MET: variants seen among roughly 807,000 people sequenced by gnomAD.
MET encodes the protein MET proto-oncogene, receptor tyrosine kinase.
Under a neutral mutation model 133.1 loss-of-function variants are expected in MET, and 48 were observed. That is an observed-to-expected ratio of 0.36 (90% CI 0.29 to 0.46). The LOEUF (loss-of-function observed/expected upper bound fraction) is 0.46. Ranked by LOEUF, MET falls within the 20% of genes least tolerant of loss-of-function variation. The pLI is 1.00. For synonymous variants in MET, 628 were observed against 616.5 expected (o/e 1.02, Z -0.28); for missense variants, 1,442 against 1,695.9 (o/e 0.85, Z 2.63).
At chr7:116,713,031 T>C (rs1792056719) in intron 2 of MET, among the ~76,000 whole-genome samples, 1 of 152,130 alleles carries the variant, frequency 6.6e-6, no homozygotes, top group Non-Finnish European at 1.5e-5. Context: ...CCTTGAAACT[T>C]TCATTTGAAG....
Position 116,700,058 on chromosome 7 carries a change from C to T in MET, c.974C>T (p.Pro325Leu), listed in dbSNP as rs780802614. ...CTTCAGGCTGCGTATGTCAGCAAGCCTGGGGCCCAGCTTGCTAGACAAATA... is the reference window on the plus strand; with the variant it reads ...CTTCAGGCTGCGTATGTCAGCAAGCTTGGGGCCCAGCTTGCTAGACAAATA... ...NILQAAYVSK[P>L]GAQLARQIGA... Residue 325 changes from proline to leucine, a missense_variant, in exon 2 of 21, where the codon CCT becomes CTT. Pro to Leu is a moderately conservative substitution (Grantham distance 98). This residue lies in a region of MET where 762 missense variants were observed against 792.4 expected (regional missense o/e 0.96). Coordinates refer to ENST00000397752, the MANE Select transcript of MET (RefSeq NM_000245.4). 2.5e-6 allele frequency: 4 copies of T among 1,613,548 alleles called. No homozygotes were observed. In the African/African-American group the frequency reaches 5.3e-5, roughly 22 times the overall value.
intron 14 of MET, among the ~76,000 whole-genome samples, chr7:116,773,032 G>T (rs1447085665): frequency 1.3e-5 from 2 of 151,918 alleles, no homozygotes; most frequent in Admixed American, 6.6e-5. Flanking sequence ...ACATTTCATA[G>T]TTCTAATCTG....
rs775965879 is a variant in MET, at chr7:116,755,425, G to A, written c.1772G>A (p.Arg591Gln). 1.1e-5 allele frequency: 17 copies of A among 1,613,884 alleles called. No individual in the cohort carries two copies. In the East Asian group the frequency reaches 2.2e-4, roughly 21 times the overall value. The change falls in exon 6 of 21, where the codon CGG (arginine) becomes CAG (glutamine). Residue 591 changes from arginine to glutamine, a missense_variant. This residue lies in a region of MET where 762 missense variants were observed against 792.4 expected (regional missense o/e 0.96). Transcript: ENST00000397752. ...ATATGTGGCTGGGACTTTGGATTTCGGAGGAATAATAAATTTGATTTAAAG... is the reference window on the plus strand; with the variant it reads ...ATATGTGGCTGGGACTTTGGATTTCAGAGGAATAATAAATTTGATTTAAAG... ...LTICGWDFGF[R>Q]RNNKFDLKKT... is the part of the protein sequence containing the mutation.
In MET at chr7:116,778,921, T is replaced by C. The variant is rs765565377; in HGVS notation, c.3486T>C (p.His1162=). The C allele has an allele frequency of 2.5e-6, 4 of 1,613,984 alleles. No individual in the cohort carries two copies. Among genetic ancestry groups the C allele is most frequent in the Non-Finnish European group, 3.4e-6 (4 of 1,179,950 alleles). Residue 1162 remains histidine, a synonymous_variant, in exon 17 of 21, where the codon CAT becomes CAC. Transcript: ENST00000397752. ...SPLVVLPYMK[H]GDLRNFIRNE... Reference sequence around the variant, plus strand: ...TGGTGGTCCTACCATACATGAAACATGGAGATCTTCGAAATTTCATTCGAA... The same window carrying C: ...TGGTGGTCCTACCATACATGAAACACGGAGATCTTCGAAATTTCATTCGAA...
intron 5 of MET, among the ~76,000 whole-genome samples, chr7:116,743,628 C>T (rs1407763259): frequency 1.3e-5 from 2 of 152,202 alleles, no homozygotes; most frequent in African/African-American, 2.4e-5. Flanking sequence ...CTTAAACATT[C>T]CTGCCTGCTG....
intron 2 of MET, 38 bp from the exon 3 acceptor site, chr7:116,731,630 T>C: frequency 1.2e-6 from 2 of 1,609,496 alleles, no homozygotes; most frequent in Non-Finnish European, 1.7e-6. Flanking sequence ...TGTTCATGTC[T>C]GGATTCACAT....
chr7:116,752,486 G>T (rs1310385514), intron 5 of MET, among the ~76,000 whole-genome samples: 5 of 152,174 alleles, frequency 3.3e-5, no homozygotes, highest in Non-Finnish European at 7.3e-5. Flanking sequence ...TGCCCTTCAG[G>T]ATAACTCAGA....
At chr7:116,738,051 A>C (rs1259747556) in intron 3 of MET, among the ~76,000 whole-genome samples, 1 of 152,240 alleles carries the variant, frequency 6.6e-6, no homozygotes, top group Non-Finnish European at 1.5e-5. Flanking sequence ...AGTGATGAAT[A>C]ATCTTCAGTG....
chr7:116,740,723 A>G, intron 4 of MET, 129 bp from the exon 5 acceptor site: 3 of 1,126,958 alleles, frequency 2.7e-6, no homozygotes, highest in Non-Finnish European at 3.9e-6. Context: ...CAGGATTTGC[A>G]CACATAGTTG....
chr7:116,755,498 T>A lies in MET; in HGVS notation c.1845T>A (p.Ser615Arg). 6.2e-7 allele frequency: 1 copy of A among 1,614,146 alleles called. No homozygotes were observed. Among genetic ancestry groups the A allele is most frequent in the Non-Finnish European group, 8.5e-7 (1 of 1,180,006 alleles). ...LGNESCTLTL[S>R]ESTMNTLKCT... is the part of the protein sequence containing the mutation. ...ATGAGAGCTGCACCTTGACTTTAAG[T>A]GAGAGCACGATGAATACGTAAGGAT... Residue 615 changes from serine to arginine, a missense_variant, in exon 6 of 21, where the codon AGT (serine) becomes AGA (arginine). This residue lies in a region of MET where 762 missense variants were observed against 792.4 expected (regional missense o/e 0.96). Coordinates refer to ENST00000397752, the MANE Select transcript of MET (RefSeq NM_000245.4).
chr7:116,777,198 G>T (rs1239659071), intron 15 of MET, among the ~76,000 whole-genome samples, 191 bp from the exon 16 acceptor site: 1 of 152,096 alleles, frequency 6.6e-6, no homozygotes, highest in Non-Finnish European at 1.5e-5. Flanking sequence ...GGTGAAATGT[G>T]TTGCATCTAC....
Position 116,755,371 on chromosome 7 carries a change from C to T in MET, c.1718C>T (p.Ala573Val), listed in dbSNP as rs1429917144. 6.2e-7 allele frequency: 1 copy of T among 1,614,012 alleles called. No individual in the cohort carries two copies. The highest frequency in any genetic ancestry group is 1.7e-5 in the Admixed American group (1 of 60,016). Reference protein sequence around the residue: ...PAIYKVFPNSAPLEGGTRLTI... With the variant: ...PAIYKVFPNSVPLEGGTRLTI... The stretch of plus-strand genomic sequence containing the variant: ...TCCTTGTAGGTTTTCCCAAATAGTG[C>T]ACCCCTTGAAGGAGGGACAAGGCTG... Residue 573 changes from alanine to valine, a missense_variant, in exon 6 of 21, where the codon GCA becomes GTA. Ala to Val is a moderately conservative substitution (Grantham distance 64). Transcript: ENST00000397752.
chr7:116,718,159 C>G (rs1211769235), intron 2 of MET, among the ~76,000 whole-genome samples: 1 of 152,260 alleles, frequency 6.6e-6, no homozygotes, highest in East Asian at 1.9e-4. Context: ...GAAGCCGAGA[C>G]AGGTGGATCA....
intron 2 of MET, among the ~76,000 whole-genome samples, chr7:116,706,020 A>G (rs150606075): frequency 2.2e-4 from 33 of 152,102 alleles, no homozygotes; most frequent in Admixed American, 4.6e-4. Context: ...AAACCATTAC[A>G]TGGCTCATTC....
chr7:116,696,726 C>T (rs183559564), intron 1 of MET, among the ~76,000 whole-genome samples: 1 of 152,212 alleles, frequency 6.6e-6, no homozygotes, highest in East Asian at 1.9e-4. Flanking sequence ...TTAACCATCA[C>T]CTCTGTGCAG....
chr7:116,685,838 T>G (rs1796531666), intron 1 of MET, among the ~76,000 whole-genome samples: 1 of 152,062 alleles, frequency 6.6e-6, no homozygotes, highest in Non-Finnish European at 1.5e-5. Context: ...CTTGGCATAT[T>G]CTCCTTTTTT....
At chr7:116,703,204 CT>C (rs1242758089) in intron 2 of MET, among the ~76,000 whole-genome samples, 1 of 152,154 alleles carries the variant, frequency 6.6e-6, no homozygotes, top group Non-Finnish European at 1.5e-5. Context: ...GTGTTGTTGA[CT>C]ATGTCAGTTG....
At chr7:116,756,949 C>T (rs950567473) in intron 6 of MET, among the ~76,000 whole-genome samples, 5 of 152,024 alleles carry the variant, frequency 3.3e-5, no homozygotes, top group Admixed American at 6.6e-5. Flanking sequence ...TTAGTATAAG[C>T]AGGGTGCAGT....
At chr7:116,677,969 T>TTCTCTC (rs760091049) in intron 1 of MET, among the ~76,000 whole-genome samples, 3 of 93,444 alleles carry the variant, frequency 3.2e-5, no homozygotes, top group Non-Finnish European at 6.0e-5. Flanking sequence ...AATATTGTCT[T>TTCTCTC]TCTCTCTCTC....
Sources: gnomAD v4.1 joint callset for allele counts (sites outside exome capture counted in the v4.1 genomes callset) on GRCh38, gnomAD v4.1.1 for gene constraint, gnomAD v4.1.1 regional missense constraint, MANE v1.5 for transcripts, NCBI Gene and HGNC (gene_info 2026-07-23, HGNC 2026-07-21) for gene names.